Variants in SERINC5 observed in about 807,000 individuals in gnomAD.
The protein encoded by SERINC5 is chromosome 5 open reading frame 12.
SERINC5 carries 41 observed loss-of-function variants against 63.1 expected under a neutral mutation model. The observed-to-expected ratio is 0.65, with a 90% CI of 0.51 to 0.84. The LOEUF is 0.84. Among genes scored for constraint, SERINC5 ranks in the 40% least tolerant of loss-of-function variants. The pLI is 0.00. For missense variants in SERINC5, 523 were observed against 573.0 expected (o/e 0.91, Z 0.89); for synonymous variants, 222 against 215.2 (o/e 1.03, Z -0.28).
At chr5:80,147,113 G>A (rs1353417581) in intron 10 of SERINC5, 132 bp downstream of exon 10, 1 of 791,408 alleles carries the variant, frequency 1.3e-6, no homozygotes, top group Non-Finnish European at 2.1e-6. Flanking sequence ...TGTATAAGTA[G>A]TAAGTCAGCT....
At chr5:80,223,300 T>G (rs943213949) in intron 1 of SERINC5, among the ~76,000 whole-genome samples, 6 of 152,334 alleles carry the variant, frequency 3.9e-5, no homozygotes, top group African/African-American at 1.4e-4. Context: ...TAAAATGGAA[T>G]TTGCATATAA....
intron 2 of SERINC5, among the ~76,000 whole-genome samples, chr5:80,194,716 A>C (rs1749398551): frequency 6.6e-6 from 1 of 152,176 alleles, no homozygotes; most frequent in South Asian, 2.1e-4. Flanking sequence ...AATACTTCTT[A>C]CCACTGGGCC....
At chr5:80,115,730 A>T (rs1181693490) in intron 11 of SERINC5, among the ~76,000 whole-genome samples, 1 of 152,006 alleles carries the variant, frequency 6.6e-6, no homozygotes, top group Non-Finnish European at 1.5e-5. Flanking sequence ...CAATATGTTG[A>T]TGTTTGGTAA....
chr5:80,201,829 C>A (rs1253998949), intron 2 of SERINC5, among the ~76,000 whole-genome samples: 1 of 152,212 alleles, frequency 6.6e-6, no homozygotes, highest in Non-Finnish European at 1.5e-5. Flanking sequence ...CTACAAGTAA[C>A]CTGTCCAGAA....
chr5:80,113,631 A>C (rs564366795), intron 11 of SERINC5: 4 of 294,644 alleles, frequency 1.4e-5, no homozygotes, highest in East Asian at 1.1e-4. Flanking sequence ...CACTTCTTAC[A>C]TGGCAGCAGC....
At chr5:80,246,651 C>T (rs1486741025) in intron 1 of SERINC5, among the ~76,000 whole-genome samples, 1 of 152,162 alleles carries the variant, frequency 6.6e-6, no homozygotes, top group Non-Finnish European at 1.5e-5. Context: ...AGGCAAACTA[C>T]GGAAGAAAAG....
At chr5:80,189,835 C>G (rs769567104) in intron 2 of SERINC5, among the ~76,000 whole-genome samples, 2 of 152,132 alleles carry the variant, frequency 1.3e-5, no homozygotes, top group Non-Finnish European at 2.9e-5. Flanking sequence ...CTTCAGCCTT[C>G]CCAGAAGCTG....
intron 1 of SERINC5, among the ~76,000 whole-genome samples, chr5:80,231,642 T>C (rs1170560735): frequency 6.6e-6 from 1 of 150,682 alleles, no homozygotes; most frequent in Non-Finnish European, 1.5e-5. Context: ...AAAAAATCAA[T>C]AGAATCGAGA....
chr5:80,132,520 G>A (rs1017122742), intron 11 of SERINC5, among the ~76,000 whole-genome samples: 6 of 151,942 alleles, frequency 3.9e-5, no homozygotes, highest in African/African-American at 1.4e-4. Context: ...TCCTGGACTT[G>A]GTATATAAGT....
At chr5:80,128,602 G>C (rs1744830434) in intron 11 of SERINC5, among the ~76,000 whole-genome samples, 1 of 152,190 alleles carries the variant, frequency 6.6e-6, no homozygotes, top group South Asian at 2.1e-4. Flanking sequence ...GGAGAGAGGG[G>C]AGATCTGGCA....
chr5:80,178,914 C>T (rs1407531533), intron 2 of SERINC5, among the ~76,000 whole-genome samples: 1 of 152,042 alleles, frequency 6.6e-6, no homozygotes, highest in Non-Finnish European at 1.5e-5. Context: ...CATACATACA[C>T]TCATATCATA....
intron 2 of SERINC5, among the ~76,000 whole-genome samples, chr5:80,202,392 G>T (rs1234339501): frequency 1.3e-5 from 2 of 152,122 alleles, no homozygotes; most frequent in East Asian, 3.9e-4. Flanking sequence ...CGATTGTGAT[G>T]GACAATGATG....
intron 1 of SERINC5, among the ~76,000 whole-genome samples, chr5:80,242,067 G>A (rs1751962275): frequency 6.6e-6 from 1 of 151,968 alleles, no homozygotes; most frequent in Non-Finnish European, 1.5e-5. Flanking sequence ...GGGCATTGAA[G>A]GTATAGTGAG....
chr5:80,181,222 T>C (rs1561401480), intron 2 of SERINC5, among the ~76,000 whole-genome samples: 2 of 152,138 alleles, frequency 1.3e-5, no homozygotes, highest in Middle Eastern at 3.2e-3. Context: ...TATTTTCCTT[T>C]ACACAAACAA....
rs1554058829 is a variant in SERINC5 at position 80,139,596 on chromosome 5, A to AATAG, written c.*4066_*4067insCTAT. The AATAG allele has an allele frequency of 1.1e-6, 1 of 892,000 alleles. No individual in the cohort carries two copies. The highest frequency in any genetic ancestry group is 1.3e-6 in the Non-Finnish European group (1 of 747,556). The allele number at this position is 892,000 out of a possible 1,614,324, so 55.3% of individuals were successfully genotyped here. On this transcript the variant is annotated 3_prime_UTR_variant, in exon 12 of 12. Transcript: ENST00000507668. The stretch of plus-strand genomic sequence containing the variant: ...TGAAAGAGTTGTTGAGAAAGAAGAA[A>AATAG]AGAGAGAGAGAGAGAAAGGTCTAAA...
rs542067888 is a variant in SERINC5, at chr5:80,196,297, GGC to G, written c.195+6587_195+6588del. Among the ~76,000 whole-genome samples, 692 of 152,102 alleles carry G rather than the reference GGC, an allele frequency of 4.5e-3. 6 individuals are homozygous for G. The highest frequency in any genetic ancestry group is 0.016 in the African/African-American group (668 of 41,480). Reference sequence around the variant, plus strand: ...GGCAGAGGGCAGTGTTAGAGGCACAGGCAAAGAGGAGATGACCACCTCACACA... The same window carrying G: ...GGCAGAGGGCAGTGTTAGAGGCACAGAAAGAGGAGATGACCACCTCACACA... On this transcript the variant is annotated intron_variant, in intron 2 of 11. Transcript: ENST00000507668.
Position 80,141,168 on chromosome 5 carries a change from A to G in SERINC5, c.*2495T>C. On this transcript the variant is annotated 3_prime_UTR_variant, in exon 12 of 12. Transcript: ENST00000507668. ...AGATACATCCACATCTGTTTTGTTC[A>G]TCCAGATACACGTGCTAACATTTTC... 1.0e-6 allele frequency: 1 copy of G among 985,454 alleles called. No individual in the cohort carries two copies. The highest frequency in any genetic ancestry group is 1.2e-6 in the Non-Finnish European group (1 of 829,938). The allele number at this position is 985,454 out of a possible 1,614,324, so 61.0% of individuals were successfully genotyped here.
At chr5:80,161,126 A>G (rs1400033680) in intron 7 of SERINC5, among the ~76,000 whole-genome samples, 1 of 151,848 alleles carries the variant, frequency 6.6e-6, no homozygotes, top group Non-Finnish European at 1.5e-5. Flanking sequence ...GTGATTCCTT[A>G]TCTTTGCTAT....
intron 2 of SERINC5, among the ~76,000 whole-genome samples, chr5:80,202,635 A>G (rs1333677647): frequency 1.3e-5 from 2 of 152,242 alleles, no homozygotes; most frequent in African/African-American, 4.8e-5. Flanking sequence ...AATTAAAACA[A>G]GAATTCTCCA....
Sources: gnomAD v4.1 joint callset for allele counts (sites outside exome capture counted in the v4.1 genomes callset) on GRCh38, gnomAD v4.1.1 for gene constraint, MANE v1.5 for transcripts, NCBI Gene and HGNC (gene_info 2026-07-23, HGNC 2026-07-21) for gene names.